GPC6: variants seen among roughly 807,000 people sequenced by gnomAD.
The protein encoded by GPC6 is glypican-6.
A neutral mutation model predicts 55.2 loss-of-function variants in GPC6; 14 were observed. The observed-to-expected ratio is 0.25, with a 90% CI of 0.17 to 0.40. The LOEUF is 0.40. Ranked by LOEUF, GPC6 falls within the 10% of genes least tolerant of loss-of-function variation. The pLI is 1.00. For missense variants in GPC6, 641 were observed against 708.5 expected, an observed-to-expected ratio of 0.90 and a Z score of 1.08; for synonymous variants, 278 against 259.6, an observed-to-expected ratio of 1.07 and a Z score of -0.68.
At chr13:93,501,878 C>T (rs1880532826) in intron 1 of GPC6, among the ~76,000 whole-genome samples, 1 of 152,024 alleles carries the variant, frequency 6.6e-6, no homozygotes, top group Non-Finnish European at 1.5e-5. Context: ...TCACATAATT[C>T]TTTTTTACAG....
rs541766123 is a variant in GPC6 at position 93,448,381 on chromosome 13, T to C, written c.161-96882T>C. Among the ~76,000 whole-genome samples the C allele has an allele frequency of 4.6e-5, 7 of 152,340 alleles. No homozygotes were observed. In the South Asian group the frequency reaches 1.2e-3, roughly 27 times the overall value. ...CAGTATGCTATATCATCTAGGTTTA[T>C]GTAAGTACACTCTATGAGGTTTGCA... On this transcript the variant is annotated intron_variant, in intron 1 of 8. Transcript: ENST00000377047.
intron 4 of GPC6, among the ~76,000 whole-genome samples, chr13:94,248,742 C>T (rs1006816728): frequency 3.9e-5 from 6 of 151,948 alleles, no homozygotes; most frequent in Non-Finnish European, 5.9e-5. Context: ...TAGAAACATG[C>T]TCACACACAT....
intron 4 of GPC6, among the ~76,000 whole-genome samples, chr13:94,260,484 T>C (rs1891625147): frequency 6.6e-6 from 1 of 152,204 alleles, no homozygotes; most frequent in Non-Finnish European, 1.5e-5. Context: ...CTTCTCCCTG[T>C]GTCTTTCTGT....
chr13:94,397,812 T>C (rs1441097029), intron 7 of GPC6, among the ~76,000 whole-genome samples: 3 of 152,162 alleles, frequency 2.0e-5, no homozygotes, highest in Admixed American at 6.5e-5. Context: ...GTAGTGGTGA[T>C]GTGGTTTGGC....
At chr13:93,347,353 T>G (rs1433845369) in intron 1 of GPC6, among the ~76,000 whole-genome samples, 1 of 152,174 alleles carries the variant, frequency 6.6e-6, no homozygotes, top group Non-Finnish European at 1.5e-5. Flanking sequence ...TAAGTTATCT[T>G]CCTGATGTTG....
the GPC6 span, among the ~76,000 whole-genome samples, chr13:93,216,975 A>G: frequency 6.6e-6 from 1 of 152,248 alleles, no homozygotes; most frequent in African/African-American, 2.4e-5. Flanking sequence ...ATTGCAATAC[A>G]TAATAGTTTT....
chr13:94,192,739 C>T (rs1365391423), intron 4 of GPC6, among the ~76,000 whole-genome samples: 1 of 152,186 alleles, frequency 6.6e-6, no homozygotes, highest in Non-Finnish European at 1.5e-5. Flanking sequence ...ATGTGAAGGG[C>T]TGGTCAACAG....
chr13:93,839,102 A>C (rs56396732), intron 3 of GPC6, among the ~76,000 whole-genome samples: 5,525 of 152,222 alleles, frequency 0.036, 287 homozygotes, highest in East Asian at 0.17. Context: ...CAGATAGTTA[A>C]GTGGAAAGGG....
At chr13:94,218,679 A>C (rs577132196) in intron 4 of GPC6, among the ~76,000 whole-genome samples, 1 of 152,288 alleles carries the variant, frequency 6.6e-6, no homozygotes, top group East Asian at 1.9e-4. Context: ...GCTTGGCATA[A>C]GTTCTACATC....
At chr13:93,556,412 A>ATG (rs1219436019) in intron 2 of GPC6, among the ~76,000 whole-genome samples, 19 of 137,374 alleles carry the variant, frequency 1.4e-4, no homozygotes, top group African/African-American at 3.4e-4. Context: ...GTATATGTAT[A>ATG]TATATATATA....
At chr13:93,224,913 G>C (rs554496721), upstream of GPC6, among the ~76,000 whole-genome samples, 3 of 152,254 alleles carry the variant, frequency 2.0e-5, no homozygotes, top group Admixed American at 6.5e-5. Context: ...TTAGTCATTC[G>C]TCTCATGTAA....
intron 2 of GPC6, among the ~76,000 whole-genome samples, chr13:93,557,675 A>G (rs1023463348): frequency 1.3e-5 from 2 of 152,174 alleles, no homozygotes; most frequent in Non-Finnish European, 2.9e-5. Flanking sequence ...CCCTACAAAT[A>G]GCAGATTAGC....
intron 2 of GPC6, among the ~76,000 whole-genome samples, chr13:93,619,069 T>A (rs974493872): frequency 1.4e-4 from 22 of 152,260 alleles, no homozygotes; most frequent in Admixed American, 1.4e-3. Flanking sequence ...CTAAACATAG[T>A]CTCATGGGAA....
At chr13:93,585,552 T>C (rs948420751) in intron 2 of GPC6, among the ~76,000 whole-genome samples, 2 of 152,228 alleles carry the variant, frequency 1.3e-5, no homozygotes, top group Non-Finnish European at 2.9e-5. Context: ...AAGTAAACTT[T>C]GATTTTAGCT....
At chr13:94,001,246 T>C (rs1027608538) in intron 3 of GPC6, among the ~76,000 whole-genome samples, 6 of 152,322 alleles carry the variant, frequency 3.9e-5, no homozygotes, top group African/African-American at 1.4e-4. Flanking sequence ...GAGGACTGAA[T>C]GTAAAATATT....
At chr13:93,944,174 A>AT (rs1435007087) in intron 3 of GPC6, among the ~76,000 whole-genome samples, 9 of 6,208 alleles carry the variant, frequency 1.4e-3, no homozygotes, top group African/African-American at 3.7e-3. Flanking sequence ...CTTTTATTTT[A>AT]TTTATTTATT....
intron 4 of GPC6, among the ~76,000 whole-genome samples, chr13:94,096,652 A>G (rs1306819818): frequency 6.6e-6 from 1 of 152,210 alleles, no homozygotes; most frequent in East Asian, 1.9e-4. Context: ...ATTTGTATCC[A>G]AGTCTTAATC....
At chr13:93,694,760 G>A (rs1047533195) in intron 2 of GPC6, among the ~76,000 whole-genome samples, 23 of 152,146 alleles carry the variant, frequency 1.5e-4, no homozygotes, top group African/African-American at 5.1e-4. Context: ...CACTGAAGAT[G>A]ACATTGCTGA....
chr13:94,181,912 C>A (rs1200216295), intron 4 of GPC6, among the ~76,000 whole-genome samples: 2 of 152,176 alleles, frequency 1.3e-5, no homozygotes, highest in Non-Finnish European at 2.9e-5. Flanking sequence ...CTCTGAGGAA[C>A]AGGTCACATA....
Sources: allele counts gnomAD v4.1 joint callset (sites outside exome capture counted in the v4.1 genomes callset), GRCh38; gene constraint gnomAD v4.1.1; transcripts MANE v1.5; gene names NCBI Gene and HGNC (gene_info 2026-07-23, HGNC 2026-07-21).